The following MBD5 variants were observed in gnomAD, a reference collection of about 807,000 sequenced individuals.
MBD5 encodes the protein methyl-CpG-binding domain protein 5.
A neutral mutation model predicts 117.3 loss-of-function variants in MBD5; 13 were observed. The observed-to-expected ratio is 0.11, with a 90% CI of 0.07 to 0.18. The LOEUF is 0.18. Among genes scored for constraint, MBD5 ranks in the 10% least tolerant of loss-of-function variants. The pLI is 1.00. For synonymous variants in MBD5, 727 were observed against 766.4 expected (o/e 0.95, Z 0.85); for missense variants, 1,879 against 2,093.8 (o/e 0.90, Z 2.00).
In MBD5 at chr2:148,238,645, G is replaced by T. The variant is rs187307946; in HGVS notation, c.-680+5250G>T. ...AGTTTATTCTCTCACAGTTCTGGAG[G>T]CTAGAAGTCCAAAACTAAGTTGTTG... is the stretch of plus-strand genomic sequence containing the variant. On this transcript the variant is annotated intron_variant, in intron 3 of 13. Coordinates refer to ENST00000642680, the MANE Select transcript of MBD5 (RefSeq NM_001378120.1). Among the ~76,000 whole-genome samples the T allele has an allele frequency of 2.6e-5, 4 of 152,252 alleles. No individual in the cohort carries two copies. The East Asian group carries it at 7.7e-4, about 29-fold the overall frequency.
Position 148,509,929 on chromosome 2 carries a change from G to A in MBD5, c.5037-131G>A, listed in dbSNP as rs1353738305. The A allele has an allele frequency of 1.7e-5, 12 of 712,532 alleles. No homozygotes were observed. In the Admixed American group the frequency reaches 2.6e-4, roughly 15 times the overall value. 44.1% of individuals were successfully genotyped at this position (712,532 alleles called of 1,614,324 possible). A position where few individuals can be genotyped will look rare whatever the true frequency, so the allele number is the denominator to read the frequency against. On this transcript the variant is annotated intron_variant, in intron 12 of 13. Transcript: ENST00000642680. Reference sequence around the variant, plus strand: ...ATCCCAGAGTGATGTTTTGTCATCTGAATTTTCCAAACGCGAGTATAAATT... The same window carrying A: ...ATCCCAGAGTGATGTTTTGTCATCTAAATTTTCCAAACGCGAGTATAAATT...
At chr2:148,053,887 AT>A (rs1472022880) in intron 1 of MBD5, 1 of 146,280 alleles carries the variant, frequency 6.8e-6, no homozygotes, top group Non-Finnish European at 1.5e-5. Flanking sequence ...TCTTTGTATC[AT>A]TTTATCTTTC....
chr2:148,453,447 A>G (rs1183705278), intron 4 of MBD5, among the ~76,000 whole-genome samples: 1 of 152,094 alleles, frequency 6.6e-6, no homozygotes, highest in African/African-American at 2.4e-5. Flanking sequence ...ACAACTTTGC[A>G]TCTCATTATT....
chr2:148,144,964 G>GT (rs1254738026), intron 1 of MBD5, among the ~76,000 whole-genome samples: 1 of 152,190 alleles, frequency 6.6e-6, no homozygotes, highest in Non-Finnish European at 1.5e-5. Context: ...CTTTAAAGTA[G>GT]TTTTTTCCAA....
intron 1 of MBD5, among the ~76,000 whole-genome samples, chr2:148,133,575 G>T (rs940783007): frequency 6.6e-6 from 1 of 152,202 alleles, no homozygotes. Flanking sequence ...TGTAATCCCA[G>T]CACTTTGGGA....
chr2:148,117,556 T>TA (rs1182607531), intron 1 of MBD5, among the ~76,000 whole-genome samples: 3 of 152,126 alleles, frequency 2.0e-5, no homozygotes, highest in Non-Finnish European at 4.4e-5. Context: ...TACCTATATA[T>TA]TTTTTTAAGC....
chr2:148,457,059 G>T (rs1706907077), intron 4 of MBD5, among the ~76,000 whole-genome samples: 1 of 152,100 alleles, frequency 6.6e-6, no homozygotes, highest in African/African-American at 2.4e-5. Context: ...ATGCATCTTT[G>T]AAATACGTGT....
intron 1 of MBD5, among the ~76,000 whole-genome samples, chr2:148,167,603 T>A (rs1698158433): frequency 6.6e-6 from 1 of 152,150 alleles, no homozygotes; most frequent in African/African-American, 2.4e-5. Context: ...GGAATGGTAG[T>A]GTCTTGTATG....
chr2:148,176,407 CT>C (rs1195471654), intron 1 of MBD5, among the ~76,000 whole-genome samples: 30 of 128,942 alleles, frequency 2.3e-4, no homozygotes, highest in African/African-American at 5.1e-4. Context: ...AATTTTCTTG[CT>C]TTTTTTTTTT....
chr2:148,021,489 GCTGCTGCTACTGCTGCTGCTGCTA>G lies in MBD5; in HGVS notation c.-1111_-1088del, dbSNP rs1693725427. ...TGCTGCTGCTGCTGCTGTTGCTGCT[GCTGCTGCTACTGCTGCTGCTGCTA>G]CTGCTGCTGCTTGGCCCTGGCTGGA... On this transcript the variant is annotated 5_prime_UTR_variant, in exon 1 of 14. Transcript: ENST00000642680. The G allele has an allele frequency of 1.4e-5, 8 of 577,566 alleles. No homozygotes were observed. Among genetic ancestry groups the G allele is most frequent in the Non-Finnish European group, 2.7e-5 (8 of 300,312 alleles). 35.8% of individuals were successfully genotyped at this position (577,566 alleles called of 1,614,324 possible).
intron 2 of MBD5, among the ~76,000 whole-genome samples, chr2:148,187,713 G>A (rs940164111): frequency 4.0e-5 from 6 of 151,654 alleles, no homozygotes; most frequent in Non-Finnish European, 7.4e-5. Context: ...CTAAAATGAT[G>A]ACATTTTCAG....
intron 3 of MBD5, among the ~76,000 whole-genome samples, chr2:148,237,707 G>A (rs1700121007): frequency 6.6e-6 from 1 of 152,174 alleles, no homozygotes; most frequent in Non-Finnish European, 1.5e-5. Flanking sequence ...CACATGCTGT[G>A]TGTGAAAACG....
At chr2:148,027,610 T>G (rs1693934688) in intron 1 of MBD5, 1 of 152,120 alleles carries the variant, frequency 6.6e-6, no homozygotes, top group African/African-American at 2.4e-5. Flanking sequence ...TTTTGGATTT[T>G]GGATTTTGAG....
intron 3 of MBD5, among the ~76,000 whole-genome samples, chr2:148,322,696 T>C (rs749652524): frequency 6.6e-6 from 1 of 152,224 alleles, no homozygotes; most frequent in Non-Finnish European, 1.5e-5. Context: ...TTCCACACTA[T>C]TTTGAACACA....
At chr2:148,155,520 T>C (rs905833352) in intron 1 of MBD5, among the ~76,000 whole-genome samples, 22 of 152,222 alleles carry the variant, frequency 1.4e-4, no homozygotes, top group South Asian at 6.2e-4. Context: ...GTCCTCCACA[T>C]CTTGTAAGTT....
intron 3 of MBD5, among the ~76,000 whole-genome samples, chr2:148,331,481 G>T (rs1368826841): frequency 6.6e-6 from 1 of 151,846 alleles, no homozygotes; most frequent in Non-Finnish European, 1.5e-5. Flanking sequence ...AAAACATCCA[G>T]TGTTAAATGC....
chr2:148,267,219 G>A (rs1700879878), intron 3 of MBD5, among the ~76,000 whole-genome samples: 1 of 152,072 alleles, frequency 6.6e-6, no homozygotes, highest in South Asian at 2.1e-4. Flanking sequence ...GATAAAAAAA[G>A]AATAAAACAG....
At chr2:148,092,357 G>T (rs924293808) in intron 1 of MBD5, among the ~76,000 whole-genome samples, 36 of 152,162 alleles carry the variant, frequency 2.4e-4, no homozygotes, top group African/African-American at 8.0e-4. Flanking sequence ...AAAGACACTT[G>T]CACATGCATG....
At chr2:148,229,003 C>T (rs1446643206) in intron 2 of MBD5, among the ~76,000 whole-genome samples, 2 of 151,872 alleles carry the variant, frequency 1.3e-5, no homozygotes, top group African/African-American at 4.8e-5. Context: ...TCTCTCTTTT[C>T]TTCTTTATTA....
Sources: gnomAD v4.1 joint callset for allele counts (sites outside exome capture counted in the v4.1 genomes callset) on GRCh38, gnomAD v4.1.1 for gene constraint, MANE v1.5 for transcripts, NCBI Gene and HGNC (gene_info 2026-07-23, HGNC 2026-07-21) for gene names.